Variants in DNAJC3 observed in about 807,000 individuals in gnomAD.
DNAJC3 encodes the protein DnaJ heat shock protein family (Hsp40) member C3, also known as dnaJ homolog subfamily C member 3.
A neutral mutation model predicts 68.6 loss-of-function variants in DNAJC3; 38 were observed. That is an observed-to-expected ratio of 0.55 (90% CI 0.43 to 0.73). The LOEUF is 0.73. Ranked by LOEUF, DNAJC3 falls within the 30% of genes least tolerant of loss-of-function variation. The pLI is 0.00. For synonymous variants in DNAJC3, 203 were observed against 204.0 expected (o/e 1.00, Z 0.04); for missense variants, 526 against 591.9 (o/e 0.89, Z 1.16).
At chr13:95,701,785 A>G (rs1311166596) in intron 1 of DNAJC3, among the ~76,000 whole-genome samples, 1 of 152,238 alleles carries the variant, frequency 6.6e-6, no homozygotes, top group Non-Finnish European at 1.5e-5. Flanking sequence ...ACAAGTTTAA[A>G]TTTTATTTAA....
chr13:95,698,855 A>G (rs1242863422), intron 1 of DNAJC3, among the ~76,000 whole-genome samples: 1 of 152,206 alleles, frequency 6.6e-6, no homozygotes, highest in Non-Finnish European at 1.5e-5. Context: ...AGGTAGAGGA[A>G]TGATGGATGA....
chr13:95,759,421 C>T (rs1389376690), intron 5 of DNAJC3, among the ~76,000 whole-genome samples: 1 of 152,168 alleles, frequency 6.6e-6, no homozygotes, highest in African/African-American at 2.4e-5. Context: ...AAGTGATCCT[C>T]CCATCTCAGC....
At chr13:95,760,652 A>G in intron 6 of DNAJC3, 27 bp from the exon 7 acceptor site, 1 of 1,588,216 alleles carries the variant, frequency 6.3e-7, no homozygotes, top group Non-Finnish European at 8.5e-7. Context: ...GACATGGAGT[A>G]TTTTCCTTTT....
At chr13:95,764,330 T>C (rs1326842684) in intron 9 of DNAJC3, among the ~76,000 whole-genome samples, 1 of 149,310 alleles carries the variant, frequency 6.7e-6, no homozygotes, top group Non-Finnish European at 1.5e-5. Flanking sequence ...ACTCTATATT[T>C]TATGCACATA....
chr13:95,789,929 T>C (rs1178485254), intron 11 of DNAJC3, among the ~76,000 whole-genome samples: 3 of 151,346 alleles, frequency 2.0e-5, no homozygotes, highest in Non-Finnish European at 4.4e-5. Context: ...ATATGTCTTC[T>C]TTTGAGAAGT....
chr13:95,680,859 T>C (rs947551203), intron 1 of DNAJC3, among the ~76,000 whole-genome samples: 5 of 152,256 alleles, frequency 3.3e-5, no homozygotes, highest in African/African-American at 4.8e-5. Context: ...ATTCACCTGC[T>C]CTTCAGAACG....
chr13:95,690,829 C>T (rs1410613590), intron 1 of DNAJC3, among the ~76,000 whole-genome samples: 56 of 132,548 alleles, frequency 4.2e-4, no homozygotes, highest in African/African-American at 1.4e-3. Context: ...GGCAGCTGGC[C>T]GGGCAGAGGG....
In DNAJC3 at chr13:95,677,210, G is replaced by A. The variant is rs1283719881; in HGVS notation, c.-46G>A. The A allele has an allele frequency of 1.3e-6, 2 of 1,565,368 alleles. No homozygotes were observed. Among genetic ancestry groups the A allele is most frequent in the Non-Finnish European group, 1.7e-6 (2 of 1,154,020 alleles). ...TGCTGCCGGAGCGCCGGCGCGTGCT[G>A]GTGGGCCACACACCTTTCCTCCTCT... On this transcript the variant is annotated 5_prime_UTR_variant, in exon 1 of 12. Transcript: ENST00000602402.
intron 9 of DNAJC3, among the ~76,000 whole-genome samples, chr13:95,778,473 T>C (rs908391379): frequency 6.6e-6 from 1 of 152,076 alleles, no homozygotes; most frequent in African/African-American, 2.4e-5. Context: ...ACATATAAAT[T>C]GGAATACAAA....
At chr13:95,720,697 C>T (rs931450093) in intron 2 of DNAJC3, among the ~76,000 whole-genome samples, 3 of 152,132 alleles carry the variant, frequency 2.0e-5, no homozygotes, top group Non-Finnish European at 1.5e-5. Flanking sequence ...ATCCTATATT[C>T]AGGCTACTGA....
At chr13:95,711,977 A>G (rs1022304753) in intron 2 of DNAJC3, among the ~76,000 whole-genome samples, 1 of 152,234 alleles carries the variant, frequency 6.6e-6, no homozygotes, top group Non-Finnish European at 1.5e-5. Flanking sequence ...AAATGAATCT[A>G]AAGTTTAAAG....
At chr13:95,784,713 A>G (rs1417363599) in intron 9 of DNAJC3, among the ~76,000 whole-genome samples, 1 of 152,220 alleles carries the variant, frequency 6.6e-6, no homozygotes, top group Non-Finnish European at 1.5e-5. Context: ...GTCAGCAGTA[A>G]GCCAACCTTG....
intron 4 of DNAJC3, chr13:95,745,137 T>C (rs1882263660): frequency 6.6e-6 from 1 of 152,180 alleles, no homozygotes; most frequent in Non-Finnish European, 1.5e-5. Context: ...TAAGGTTTGG[T>C]TTATAAACTT....
intron 9 of DNAJC3, among the ~76,000 whole-genome samples, chr13:95,766,335 A>G (rs913674101): frequency 6.6e-6 from 1 of 152,228 alleles, no homozygotes; most frequent in African/African-American, 2.4e-5. Flanking sequence ...TTATTTGAGG[A>G]TGCCTCTGAG....
At chr13:95,677,926 C>T (rs1228799774) in intron 1 of DNAJC3, among the ~76,000 whole-genome samples, 1 of 152,002 alleles carries the variant, frequency 6.6e-6, no homozygotes, top group Non-Finnish European at 1.5e-5. Context: ...ATTCCATCTC[C>T]CGGACGGCCA....
intron 9 of DNAJC3, among the ~76,000 whole-genome samples, chr13:95,770,093 C>T (rs964286091): frequency 3.3e-5 from 5 of 152,146 alleles, no homozygotes; most frequent in Non-Finnish European, 7.3e-5. Context: ...GGGTCCTTTG[C>T]CTCTCCCAGC....
At chr13:95,685,230 C>T (rs544468283) in intron 1 of DNAJC3, among the ~76,000 whole-genome samples, 2 of 152,260 alleles carry the variant, frequency 1.3e-5, no homozygotes, top group Non-Finnish European at 2.9e-5. Context: ...TGGGAGCTCA[C>T]CCCTTGCTGC....
intron 2 of DNAJC3, 89 bp downstream of exon 2, chr13:95,709,426 A>G (rs3087341): frequency 0.11 from 94,722 of 892,342 alleles, 5,749 homozygotes; most frequent in Admixed American, 0.19. Context: ...TAAAATAAAC[A>G]TTATTTCATG....
rs144306964 is a variant in DNAJC3, at chr13:95,678,669, T to C, written c.82+1332T>C. On this transcript the variant is annotated intron_variant, in intron 1 of 11. Transcript: ENST00000602402. ...CATCTGTAGTATTTATCTCCAGTTATCATTAATAATTTATTTTGGACACTT... is the reference window on the plus strand; with the variant it reads ...CATCTGTAGTATTTATCTCCAGTTACCATTAATAATTTATTTTGGACACTT... 4.7e-3 allele frequency among the ~76,000 whole-genome samples: 711 copies of C among 152,348 alleles called. 6 individuals are homozygous for C. Among genetic ancestry groups the C allele is most frequent in the African/African-American group, 0.016 (686 of 41,578 alleles).
Sources: allele counts gnomAD v4.1 joint callset (sites outside exome capture counted in the v4.1 genomes callset), GRCh38; gene constraint gnomAD v4.1.1; transcripts MANE v1.5; gene names NCBI Gene and HGNC (gene_info 2026-07-23, HGNC 2026-07-21).